The following NEDD4 variants were observed in gnomAD, a reference collection of about 807,000 sequenced individuals.
The protein encoded by NEDD4 is E3 ubiquitin-protein ligase NEDD4.
A neutral mutation model predicts 144.9 loss-of-function variants in NEDD4; 99 were observed. The ratio of observed to expected loss-of-function variants is 0.68; its 90% CI spans 0.58 to 0.81. The LOEUF (loss-of-function observed/expected upper bound fraction) is 0.81, where lower values mean the gene tolerates loss of function less well. Among genes scored for constraint, NEDD4 ranks in the 30% least tolerant of loss-of-function variants. NEDD4 has a pLI of 0.00. For synonymous variants in NEDD4, 318 were observed against 350.6 expected, an observed-to-expected ratio of 0.91 and a Z score of 1.04; for missense variants, 985 against 1,065.9, an observed-to-expected ratio of 0.92 and a Z score of 1.06.
chr15:55,890,627 T>C (rs2035541097), intron 5 of NEDD4, among the ~76,000 whole-genome samples: 2 of 152,250 alleles, frequency 1.3e-5, no homozygotes, highest in African/African-American at 4.8e-5. Flanking sequence ...TTATAAATAA[T>C]GCCACTATGA....
intron 5 of NEDD4, among the ~76,000 whole-genome samples, chr15:55,875,317 A>G (rs2034957122): frequency 6.6e-6 from 1 of 152,130 alleles, no homozygotes; most frequent in Non-Finnish European, 1.5e-5. Flanking sequence ...ATTTTATTTA[A>G]TTTTATTTTT....
At chr15:55,866,409 A>C (rs2034590506) in intron 8 of NEDD4, among the ~76,000 whole-genome samples, 1 of 151,994 alleles carries the variant, frequency 6.6e-6, no homozygotes, top group Admixed American at 6.6e-5. Context: ...CATACCTAAA[A>C]TTTAGTCTTG....
chr15:55,933,231 G>T (rs1438838339), intron 4 of NEDD4, among the ~76,000 whole-genome samples: 3 of 151,938 alleles, frequency 2.0e-5, no homozygotes, highest in African/African-American at 4.8e-5. Flanking sequence ...ACATGCACAC[G>T]TATGTTTATT....
intron 5 of NEDD4, among the ~76,000 whole-genome samples, chr15:55,888,837 C>T (rs2035474479): frequency 6.6e-6 from 1 of 152,030 alleles, no homozygotes; most frequent in African/African-American, 2.4e-5. Flanking sequence ...GTGCCGAGAA[C>T]ATACACTGGG....
chr15:55,951,280 T>C (rs2037233235), intron 4 of NEDD4, 96 bp downstream of exon 4: 4 of 584,734 alleles, frequency 6.8e-6, no homozygotes, highest in South Asian at 6.4e-5. Context: ...AATTCTGAGA[T>C]ACATCTTCAA....
At chr15:55,855,476 G>A (rs2034153455) in intron 12 of NEDD4, among the ~76,000 whole-genome samples, 1 of 152,194 alleles carries the variant, frequency 6.6e-6, no homozygotes, top group Admixed American at 6.5e-5. Context: ...TGAAGAGGCT[G>A]GGAGCCTGGG....
At chr15:55,992,708 T>C (rs950876980) in intron 1 of NEDD4, among the ~76,000 whole-genome samples, 23 of 152,224 alleles carry the variant, frequency 1.5e-4, no homozygotes, top group Admixed American at 5.2e-4. Flanking sequence ...CCTTTCCAAA[T>C]GGTCGTACAA....
At chr15:55,865,823 G>A (rs2034567110) in intron 8 of NEDD4, among the ~76,000 whole-genome samples, 1 of 152,180 alleles carries the variant, frequency 6.6e-6, no homozygotes, top group Non-Finnish European at 1.5e-5. Context: ...AGGGGTTTCT[G>A]CAGCAAGGCT....
chr15:55,957,949 T>A (rs2037365085), intron 2 of NEDD4, among the ~76,000 whole-genome samples: 1 of 151,966 alleles, frequency 6.6e-6, no homozygotes, highest in South Asian at 2.1e-4. Flanking sequence ...GTGGGGAACA[T>A]CACACACCAG....
At chr15:55,992,983 G>T (rs1463664695) in intron 1 of NEDD4, among the ~76,000 whole-genome samples, 3 of 152,186 alleles carry the variant, frequency 2.0e-5, no homozygotes, top group Non-Finnish European at 4.4e-5. Flanking sequence ...CCTGTCTCTA[G>T]TTAGGGGATT....
intron 7 of NEDD4, among the ~76,000 whole-genome samples, chr15:55,870,878 T>G (rs1275359782): frequency 6.6e-6 from 1 of 152,196 alleles, no homozygotes. Context: ...TATCCTATGA[T>G]TTACTTAAGA....
At chr15:55,904,136 A>C (rs1167537930) in intron 5 of NEDD4, among the ~76,000 whole-genome samples, 1 of 151,986 alleles carries the variant, frequency 6.6e-6, no homozygotes, top group Non-Finnish European at 1.5e-5. Context: ...CACTCCAGGG[A>C]CAAGAGCAAG....
intron 18 of NEDD4, among the ~76,000 whole-genome samples, chr15:55,843,607 A>C (rs1171039699): frequency 6.6e-6 from 1 of 152,230 alleles, no homozygotes; most frequent in Non-Finnish European, 1.5e-5. Flanking sequence ...ACCTCCAAAA[A>C]AGAAGGTTAG....
intron 4 of NEDD4, among the ~76,000 whole-genome samples, chr15:55,938,169 G>A (rs2036927752): frequency 6.6e-6 from 1 of 152,040 alleles, no homozygotes; most frequent in South Asian, 2.1e-4. Flanking sequence ...GACCATCCTG[G>A]CCAACGTAGT....
intron 13 of NEDD4, among the ~76,000 whole-genome samples, chr15:55,852,096 G>C (rs542924788): frequency 3.3e-5 from 5 of 151,946 alleles, no homozygotes; most frequent in Non-Finnish European, 5.9e-5. Context: ...AGGAGTTTCA[G>C]ATCAGCCTGG....
chr15:55,872,544 T>C, intron 6 of NEDD4, 68 bp from the exon 7 acceptor site: 2 of 600,204 alleles, frequency 3.3e-6, no homozygotes, highest in Non-Finnish European at 5.3e-6. Flanking sequence ...TCAAGAATAC[T>C]CATGAACTAT....
intron 13 of NEDD4, among the ~76,000 whole-genome samples, chr15:55,850,949 C>G (rs2033959288): frequency 6.6e-6 from 1 of 152,080 alleles, no homozygotes; most frequent in Non-Finnish European, 1.5e-5. Context: ...TAACATTTTT[C>G]CAATAAATTA....
intron 5 of NEDD4, chr15:55,905,404 A>G: frequency 2.5e-6 from 1 of 396,794 alleles, no homozygotes; most frequent in Non-Finnish European, 4.9e-6. Context: ...GAAAAGCCCA[A>G]CATAATTACA....
In NEDD4 at chr15:55,915,148, T is replaced by C. The variant is rs1311651020; in HGVS notation, c.291+9498A>G. 6 of 672,406 alleles carry C rather than the reference T, an allele frequency of 8.9e-6. No homozygotes were observed. In the African/African-American group the frequency reaches 1.1e-4, roughly 12 times the overall value. The allele number at this position is 672,406 out of a possible 1,614,324, so 41.7% of individuals were successfully genotyped here. A position where few individuals can be genotyped will look rare whatever the true frequency, so the allele number is the denominator to read the frequency against. On this transcript the variant is annotated intron_variant, in intron 5 of 28. Coordinates refer to ENST00000435532, the MANE Select transcript of NEDD4 (RefSeq NM_006154.4). ...GTTCTTCAGATTTACAAATATAAAATTTATGACTACAAAATACTGCTAGCT... is the reference window on the plus strand; with the variant it reads ...GTTCTTCAGATTTACAAATATAAAACTTATGACTACAAAATACTGCTAGCT...
Sources: allele counts gnomAD v4.1 joint callset (sites outside exome capture counted in the v4.1 genomes callset), GRCh38; gene constraint gnomAD v4.1.1; transcripts MANE v1.5; gene names NCBI Gene and HGNC (gene_info 2026-07-23, HGNC 2026-07-21).